The following EML4 variants were observed in gnomAD, a reference collection of about 807,000 sequenced individuals.
EML4 encodes the protein EMAP like 4, also known as echinoderm microtubule-associated protein-like 4.
Under a neutral mutation model 129.0 loss-of-function variants are expected in EML4, and 72 were observed. The ratio of observed to expected loss-of-function variants is 0.56; its 90% CI spans 0.46 to 0.68. EML4 has a LOEUF of 0.68. Among genes scored for constraint, EML4 ranks in the 30% least tolerant of loss-of-function variants. The pLI is 0.00. For synonymous variants in EML4, 532 were observed against 405.0 expected (o/e 1.31, Z -3.77); for missense variants, 1,363 against 1,190.6 (o/e 1.14, Z -2.13).
chr2:42,289,938 A>G (rs1450605306), intron 11 of EML4: 2 of 139,710 alleles, frequency 1.4e-5, no homozygotes, highest in East Asian at 2.1e-4. Context: ...AAAAAAAAAA[A>G]TAGCCGGGTA....
intron 1 of EML4, among the ~76,000 whole-genome samples, chr2:42,244,175 T>G (rs1033779254): frequency 6.7e-6 from 1 of 149,896 alleles, no homozygotes; most frequent in African/African-American, 2.5e-5. Context: ...CTCGGCTCAC[T>G]GCAACCTTTG....
chr2:42,323,504 T>C (rs1419764648), intron 19 of EML4, among the ~76,000 whole-genome samples: 1 of 152,202 alleles, frequency 6.6e-6, no homozygotes, highest in African/African-American at 2.4e-5. Context: ...CATACAGCAC[T>C]ATGGTGGAGA....
intron 2 of EML4, among the ~76,000 whole-genome samples, chr2:42,247,026 G>C (rs528374496): frequency 6.6e-6 from 1 of 152,162 alleles, no homozygotes; most frequent in African/African-American, 2.4e-5. Context: ...AGTGGAAGAC[G>C]GTGGTAATAG....
At chr2:42,325,896 T>C (rs999815171) in intron 20 of EML4, 2 of 155,916 alleles carry the variant, frequency 1.3e-5, no homozygotes, top group African/African-American at 4.8e-5. Context: ...TAATTACTTC[T>C]CCTGGAGGCA....
intron 1 of EML4, among the ~76,000 whole-genome samples, chr2:42,217,186 G>A (rs1243615379): frequency 6.6e-6 from 1 of 152,132 alleles, no homozygotes; most frequent in African/African-American, 2.4e-5. Context: ...TATGACATAT[G>A]TATATTTACT....
At chr2:42,240,898 T>G (rs1483360333) in intron 1 of EML4, among the ~76,000 whole-genome samples, 1 of 152,140 alleles carries the variant, frequency 6.6e-6, no homozygotes, top group Non-Finnish European at 1.5e-5. Context: ...CCCAGCACTT[T>G]GGGAGGCCAA....
intron 6 of EML4, among the ~76,000 whole-genome samples, chr2:42,277,813 T>G (rs1666744096): frequency 6.6e-6 from 1 of 152,162 alleles, no homozygotes; most frequent in African/African-American, 2.4e-5. Context: ...GTGATCTGTC[T>G]GCCTCGGCCT....
intron 1 of EML4, among the ~76,000 whole-genome samples, chr2:42,193,665 T>G (rs1671729262): frequency 6.6e-6 from 1 of 152,144 alleles, no homozygotes. Context: ...ATCTATTGAG[T>G]CATTATAGGC....
At position 42,189,666 on chromosome 2, in the gene EML4, G is replaced by A. The variant is rs563152945; in HGVS notation, c.25+20030G>A. Among the ~76,000 whole-genome samples the A allele has an allele frequency of 5.3e-5, 8 of 152,236 alleles. No homozygotes were observed. In the East Asian group the frequency reaches 7.7e-4, roughly 15 times the overall value. Reference sequence around the variant, plus strand: ...GGAATTAGAACAGACATTAATATCTGTATTTTATAAAAGAGGAAACTATAA... The same window carrying A: ...GGAATTAGAACAGACATTAATATCTATATTTTATAAAAGAGGAAACTATAA... On this transcript the variant is annotated intron_variant, in intron 1 of 22. Transcript: ENST00000318522.
Position 42,330,029 on chromosome 2 carries a change from T to C in EML4, c.2768T>C (p.Leu923Pro). 6.2e-7 allele frequency: 1 copy of C among 1,613,612 alleles called. No individual in the cohort carries two copies. Among genetic ancestry groups the C allele is most frequent in the Non-Finnish European group, 8.5e-7 (1 of 1,179,950 alleles). Residue 923 changes from leucine to proline, a missense_variant, in exon 23 of 23, where the codon CTG becomes CCG. Physicochemically the swap from Leu to Pro is moderately conservative, Grantham distance 98 (BLOSUM62 -3). Transcript: ENST00000318522. Reference protein sequence around the residue: ...ESRISSSPTLLENSLEQTVEP... With the variant: ...ESRISSSPTLPENSLEQTVEP... ...AGAATAAGCAGTTCTCCCACACTTC[T>C]GGAGAACAGCCTGGAACAAACTGTG...
Position 42,189,068 on chromosome 2 carries a change from T to C in EML4, c.25+19432T>C, listed in dbSNP as rs116275597. Among the ~76,000 whole-genome samples the C allele has an allele frequency of 6.0e-3, 921 of 152,266 alleles. 5 individuals carry two copies. Among genetic ancestry groups the C allele is most frequent in the African/African-American group, 0.021 (877 of 41,544 alleles). ...TTTTTTAAGAGATGGGATTTCACTT[T>C]GTTGCCTAGGCTGGTCTCAAATTCC... is the stretch of plus-strand genomic sequence containing the variant. On this transcript the variant is annotated intron_variant, in intron 1 of 22. Coordinates refer to ENST00000318522, the MANE Select transcript of EML4 (RefSeq NM_019063.5).
At chr2:42,196,231 T>A (rs1328360477) in intron 1 of EML4, among the ~76,000 whole-genome samples, 4 of 152,214 alleles carry the variant, frequency 2.6e-5, no homozygotes, top group Non-Finnish European at 5.9e-5. Flanking sequence ...TACATTCATT[T>A]ATTAATGAAT....
Position 42,303,138 on chromosome 2 carries a change from C to G in EML4, c.1676C>G (p.Ala559Gly). 1.2e-6 allele frequency: 2 copies of G among 1,613,984 alleles called. No individual in the cohort carries two copies. The highest frequency in any genetic ancestry group is 8.5e-7 in the Non-Finnish European group (1 of 1,179,998). Residue 559 changes from alanine (A) to glycine (G), a missense_variant, in exon 15 of 23, where the codon GCA (alanine) becomes GGA (glycine). Ala to Gly is a moderately conservative substitution (Grantham distance 60). Transcript: ENST00000318522. ...PDQYGTIRAV[A>G]EGKADQFLVG... The stretch of plus-strand genomic sequence containing the variant: ...CAGTATGGCACAATCAGAGCTGTAG[C>G]AGAAGGAAAGGCAGATCAATTTTTA...
chr2:42,169,573 C>T lies in EML4; in HGVS notation c.-39C>T, dbSNP rs746642970. On this transcript the variant is annotated 5_prime_UTR_variant, in exon 1 of 23. Transcript: ENST00000318522. ...CTGTCGGTCCGCTGAATGAAGTGCC[C>T]GCCCCTCTAAGCCCGGAGCCCGGCG... The T allele has an allele frequency of 1.3e-6, 2 of 1,592,750 alleles. No individual in the cohort carries two copies. The highest frequency in any genetic ancestry group is 2.3e-5 in the East Asian group (1 of 43,258).
intron 13 of EML4, among the ~76,000 whole-genome samples, chr2:42,300,351 A>T (rs1363992331): frequency 6.6e-6 from 1 of 152,240 alleles, no homozygotes; most frequent in Non-Finnish European, 1.5e-5. Context: ...AGAAAAAGGT[A>T]TGAGTACTAT....
intron 10 of EML4, among the ~76,000 whole-genome samples, chr2:42,287,570 T>A (rs1315662626): frequency 2.0e-5 from 3 of 152,300 alleles, no homozygotes; most frequent in African/African-American, 7.2e-5. Context: ...TAAAGCATAT[T>A]TCACAAATGA....
At chr2:42,244,221 C>T (rs1675234510) in intron 1 of EML4, among the ~76,000 whole-genome samples, 1 of 151,528 alleles carries the variant, frequency 6.6e-6, no homozygotes, top group Non-Finnish European at 1.5e-5. Context: ...GCCTCAGCCT[C>T]CCAAGTAGCT....
chr2:42,179,885 G>A (rs139235116), intron 1 of EML4, among the ~76,000 whole-genome samples: 3 of 152,324 alleles, frequency 2.0e-5, no homozygotes, highest in Non-Finnish European at 4.4e-5. Context: ...ACAGGCATGA[G>A]CCACCACACC....
intron 18 of EML4, 63 bp downstream of exon 18, chr2:42,316,113 G>A: frequency 8.9e-7 from 1 of 1,128,750 alleles, no homozygotes; most frequent in East Asian, 2.4e-5. Flanking sequence ...CAATTGCATA[G>A]TTTTACTTCT....
Sources: gnomAD v4.1 joint callset for allele counts (sites outside exome capture counted in the v4.1 genomes callset) on GRCh38, gnomAD v4.1.1 for gene constraint, MANE v1.5 for transcripts, NCBI Gene and HGNC (gene_info 2026-07-23, HGNC 2026-07-21) for gene names.